Variants in CDH7 observed in about 807,000 individuals in gnomAD.
The protein encoded by CDH7 is cadherin 7, also known as cadherin-7.
Under a neutral mutation model 71.8 loss-of-function variants are expected in CDH7, and 25 were observed. The ratio of observed to expected loss-of-function variants is 0.35; its 90% confidence interval spans 0.25 to 0.49. CDH7 has a LOEUF of 0.49. CDH7 is among the 20% of genes least tolerant of loss of function. CDH7 has a pLI of 0.99. For synonymous variants in CDH7, 381 were observed against 363.8 expected (o/e 1.05, Z -0.54); for missense variants, 862 against 974.6 (o/e 0.88, Z 1.54).
rs1914316800 is a variant in CDH7, at chr18:65,884,447, T to C, written c.*3553T>C. The C allele has an allele frequency of 6.6e-6, 1 of 152,172 alleles. No individual in the cohort carries two copies. The highest frequency in any genetic ancestry group is 1.5e-5 in the Non-Finnish European group (1 of 68,010). 9.4% of individuals were successfully genotyped at this position (152,172 alleles called of 1,614,324 possible). A position where few individuals can be genotyped will look rare whatever the true frequency, so the allele number is the denominator to read the frequency against. ...CAATTGAGGTTAGTTGTCTACAAGA[T>C]ACATGCAGGAGGTAGTAGTGGTTAA... On this transcript the variant is annotated 3_prime_UTR_variant, in exon 12 of 12. Coordinates refer to ENST00000397968, the MANE Select transcript of CDH7 (RefSeq NM_004361.5).
chr18:65,881,104 A>C lies in CDH7; in HGVS notation c.*210A>C, dbSNP rs971434533. On this transcript the variant is annotated 3_prime_UTR_variant, in exon 12 of 12. Transcript: ENST00000397968. Reference sequence around the variant, plus strand: ...TAGACTTATCTAAAGGACTGCACTGACCACAGACTCTGAGCATTTGAAGGT... The same window carrying C: ...TAGACTTATCTAAAGGACTGCACTGCCCACAGACTCTGAGCATTTGAAGGT... 4.4e-6 allele frequency: 2 copies of C among 453,578 alleles called. No homozygotes were observed. The highest frequency in any genetic ancestry group is 4.0e-5 in the African/African-American group (2 of 49,976). 28.1% of individuals were successfully genotyped at this position (453,578 alleles called of 1,614,324 possible).
rs1211278088 is a variant in CDH7, at chr18:65,887,228, T to C, written c.*6334T>C. 2 of 152,162 alleles carry C rather than the reference T, an allele frequency of 1.3e-5. No homozygotes were observed. Among genetic ancestry groups the C allele is most frequent in the Non-Finnish European group, 1.5e-5 (1 of 68,022 alleles). The allele number at this position is 152,162 out of a possible 1,614,324, so 9.4% of individuals were successfully genotyped here. A position where few individuals can be genotyped will look rare whatever the true frequency, so the allele number is the denominator to read the frequency against. ...ATATCAAGATCTGGAATATGTTGTA[T>C]ACTGTATATGACCAATACTTTAAGA... On this transcript the variant is annotated 3_prime_UTR_variant, in exon 12 of 12. Coordinates refer to ENST00000397968, the MANE Select transcript of CDH7 (RefSeq NM_004361.5).
At chr18:65,812,661 T>C (rs12964990) in intron 3 of CDH7, among the ~76,000 whole-genome samples, 146,326 of 152,286 alleles carry the variant, frequency 0.96, 70,563 homozygotes, top group East Asian at 1. Context: ...CATAGACAGG[T>C]GTGGAAAGCT....
rs1195595544 is a variant in CDH7, at chr18:65,880,783, T to C, written c.2247T>C (p.Asp749=). ...GSVAESLSSL[D]SISSNSDQNY... ...TTGCTGAATCACTCAGCTCTTTAGA[T>C]TCCATCAGCTCAAACTCTGATCAGA... Residue 749 remains aspartate, a synonymous_variant, in exon 12 of 12, where the codon GAT becomes GAC. Coordinates refer to ENST00000397968, the MANE Select transcript of CDH7 (RefSeq NM_004361.5). 1.2e-6 allele frequency: 2 copies of C among 1,614,146 alleles called. No homozygotes were observed. Among genetic ancestry groups the C allele is most frequent in the South Asian group, 2.2e-5 (2 of 91,080 alleles).
chr18:65,837,923 A>C (rs1912588442), intron 6 of CDH7, among the ~76,000 whole-genome samples: 1 of 59,846 alleles, frequency 1.7e-5, no homozygotes, highest in African/African-American at 5.4e-5. Context: ...GATTTAGAGT[A>C]ATTTTTTTTT....
At chr18:65,847,532 A>T (rs1912975706) in intron 7 of CDH7, among the ~76,000 whole-genome samples, 1 of 152,142 alleles carries the variant, frequency 6.6e-6, no homozygotes, top group Admixed American at 6.6e-5. Flanking sequence ...GGCGAAATTG[A>T]TATTGTCTTC....
At chr18:65,863,504 T>C (rs1227095335) in intron 11 of CDH7, 1 of 158,224 alleles carries the variant, frequency 6.3e-6, no homozygotes, top group African/African-American at 2.4e-5. Context: ...AAAAATAATC[T>C]ATCTTATCCC....
intron 1 of CDH7, among the ~76,000 whole-genome samples, chr18:65,760,674 A>G (rs1916165297): frequency 6.6e-6 from 1 of 152,196 alleles, no homozygotes; most frequent in Non-Finnish European, 1.5e-5. Context: ...CCACCTGACC[A>G]GATCTCTAAA....
chr18:65,771,946 T>C (rs2143808750), intron 2 of CDH7, among the ~76,000 whole-genome samples: 1 of 152,266 alleles, frequency 6.6e-6, no homozygotes, highest in Admixed American at 6.5e-5. Context: ...GATGGGGCTG[T>C]GTTATAGGAA....
intron 6 of CDH7, among the ~76,000 whole-genome samples, chr18:65,829,637 C>A (rs72942002): frequency 0.23 from 35,342 of 151,668 alleles, 4,275 homozygotes; most frequent in Non-Finnish European, 0.27. Context: ...CCTGTTGACT[C>A]CCCTGCACTC....
intron 2 of CDH7, among the ~76,000 whole-genome samples, chr18:65,787,155 GA>G (rs1230335547): frequency 1.3e-5 from 2 of 152,136 alleles, no homozygotes; most frequent in Non-Finnish European, 2.9e-5. Context: ...AGTTTTTATG[GA>G]AAATTATTTA....
At chr18:65,807,779 G>T (rs1415297536) in intron 2 of CDH7, among the ~76,000 whole-genome samples, 2 of 152,198 alleles carry the variant, frequency 1.3e-5, no homozygotes, top group Non-Finnish European at 2.9e-5. Flanking sequence ...ATGGCAAGAA[G>T]GAACCCTTCT....
intron 2 of CDH7, among the ~76,000 whole-genome samples, chr18:65,766,220 A>C (rs1447641670): frequency 6.6e-6 from 1 of 152,142 alleles, no homozygotes; most frequent in Non-Finnish European, 1.5e-5. Context: ...AATTCACAGA[A>C]ATTATATCTG....
In CDH7 at chr18:65,811,398, A is replaced by G. The variant is rs527349325; in HGVS notation, c.505+1400A>G. 5.8e-4 allele frequency among the ~76,000 whole-genome samples: 89 copies of G among 152,294 alleles called. 4 individuals carry two copies. Among genetic ancestry groups the G allele is most frequent in the Admixed American group, 9.2e-4 (14 of 15,300 alleles). Reference sequence around the variant, plus strand: ...GCTGCTAGAGAAATACCAAATGACAAGGAGACAGAAGAATCAATGCTTGTG... The same window carrying G: ...GCTGCTAGAGAAATACCAAATGACAGGGAGACAGAAGAATCAATGCTTGTG... On this transcript the variant is annotated intron_variant, in intron 3 of 11. Transcript: ENST00000397968.
In CDH7 at chr18:65,782,188, T is replaced by TTCTAACTTTCTTTCTTTCGA. The variant is rs1568182835; in HGVS notation, c.210+19136_210+19137insTCTAACTTTCTTTCTTTCGA. 1.3e-4 allele frequency among the ~76,000 whole-genome samples: 9 copies of TTCTAACTTTCTTTCTTTCGA among 71,452 alleles called. 3 individuals are homozygous for TTCTAACTTTCTTTCTTTCGA. The highest frequency in any genetic ancestry group is 4.2e-4 in the African/African-American group (6 of 14,128). 46.9% of individuals were successfully genotyped at this position (71,452 alleles called of 152,430 possible). Reference sequence around the variant, plus strand: ...TTCCTTTCTTTCTTTCTTTCTTTCTTGACAGAGTCTCACTCCGTTGCCCAG... The same window carrying TTCTAACTTTCTTTCTTTCGA: ...TTCCTTTCTTTCTTTCTTTCTTTCTTTCTAACTTTCTTTCTTTCGAGACAGAGTCTCACTCCGTTGCCCAG... On this transcript the variant is annotated intron_variant, in intron 2 of 11. Transcript: ENST00000397968.
intron 2 of CDH7, among the ~76,000 whole-genome samples, chr18:65,781,750 A>ATTTCTTTCTTTCTTTCTTTCTTTCTTTC (rs879796330): frequency 1.3e-4 from 10 of 78,520 alleles, no homozygotes; most frequent in African/African-American, 5.4e-4. Flanking sequence ...CTATTGGTTG[A>ATTTCTTTCTTTCTTTCTTTCTTTCTTTC]TTTCTTTCTT....
At chr18:65,826,279 T>G (rs894368833) in intron 6 of CDH7, among the ~76,000 whole-genome samples, 2 of 151,382 alleles carry the variant, frequency 1.3e-5, no homozygotes, top group African/African-American at 4.8e-5. Flanking sequence ...ATCATTATTA[T>G]TCTTATAGGT....
chr18:65,884,567 A>G lies in CDH7; in HGVS notation c.*3673A>G, dbSNP rs372787445. On this transcript the variant is annotated 3_prime_UTR_variant, in exon 12 of 12. Coordinates refer to ENST00000397968, the MANE Select transcript of CDH7 (RefSeq NM_004361.5). ...ACATTTACTACATTGGATGGTAGAC[A>G]TAGGCAATTATTTTCATGTCAACGG... The G allele has an allele frequency of 7.2e-5, 11 of 152,332 alleles. No individual in the cohort carries two copies. Among genetic ancestry groups the G allele is most frequent in the African/African-American group, 2.6e-4 (11 of 41,576 alleles). 9.4% of individuals were successfully genotyped at this position (152,332 alleles called of 1,614,324 possible).
intron 6 of CDH7, among the ~76,000 whole-genome samples, chr18:65,828,460 T>C (rs1912212991): frequency 6.6e-6 from 1 of 152,184 alleles, no homozygotes. Context: ...CTGAAAATAC[T>C]CACAGATGAC....
Sources: gnomAD v4.1 joint callset for allele counts (sites outside exome capture counted in the v4.1 genomes callset) on GRCh38, gnomAD v4.1.1 for gene constraint, MANE v1.5 for transcripts, NCBI Gene and HGNC (gene_info 2026-07-23, HGNC 2026-07-21) for gene names.